NRXN3: variants seen among roughly 807,000 people sequenced by gnomAD.
NRXN3 encodes neurexin III.
Under a neutral mutation model 137.6 loss-of-function variants are expected in NRXN3, and 32 were observed. The ratio of observed to expected loss-of-function variants is 0.23; its 90% CI spans 0.18 to 0.31. NRXN3 has a LOEUF of 0.31. Among genes scored for constraint, NRXN3 ranks in the 10% least tolerant of loss-of-function variants. The pLI is 1.00. For missense variants in NRXN3, 1,574 were observed against 2,062.5 expected (o/e 0.76, Z 4.59); for synonymous variants, 798 against 784.5 (o/e 1.02, Z -0.29).
chr14:79,666,603 C>T (rs1360101302), intron 17 of NRXN3, among the ~76,000 whole-genome samples: 1 of 151,868 alleles, frequency 6.6e-6, no homozygotes, highest in East Asian at 1.9e-4. Flanking sequence ...TTTCTGTTTC[C>T]AATTGGGCAG....
At chr14:78,924,196 C>A (rs1441892729) in intron 10 of NRXN3, among the ~76,000 whole-genome samples, 2 of 152,280 alleles carry the variant, frequency 1.3e-5, no homozygotes. Flanking sequence ...TTGCAGTGAG[C>A]CGAGATCGTG....
intron 19 of NRXN3, among the ~76,000 whole-genome samples, chr14:79,751,016 C>T (rs547948116): frequency 6.6e-6 from 1 of 152,092 alleles, no homozygotes; most frequent in Admixed American, 6.5e-5. Context: ...ATGCCTCCAG[C>T]TTTGTTCTTT....
chr14:78,231,748 GT>G (rs2065432987), intron 1 of NRXN3: 1 of 152,304 alleles, frequency 6.6e-6, no homozygotes, highest in Non-Finnish European at 1.5e-5. Flanking sequence ...CATCATAGAG[GT>G]TTTGTAAGGA....
Position 78,702,417 on chromosome 14 carries a change from G to A in NRXN3, c.1222-6800G>A. The stretch of plus-strand genomic sequence containing the variant: ...CTTAGGCTTGACAATTGGCTTAGAA[G>A]TTATCCTCAAGAGAGAATCTTTCTT... On this transcript the variant is annotated intron_variant, in intron 6 of 20. Coordinates refer to ENST00000335750, the MANE Select transcript of NRXN3 (RefSeq NM_001330195.2). 1.3e-5 allele frequency among the ~76,000 whole-genome samples: 2 copies of A among 148,824 alleles called. 1 individual carries two copies. Among genetic ancestry groups the A allele is most frequent in the African/African-American group, 4.9e-5 (2 of 40,816 alleles).
At chr14:79,592,821 G>A (rs531368643) in intron 16 of NRXN3, among the ~76,000 whole-genome samples, 28 of 152,142 alleles carry the variant, frequency 1.8e-4, no homozygotes, top group East Asian at 7.7e-4. Context: ...ATTGTTTTTC[G>A]CTAAGTGGAA....
chr14:78,463,946 T>G (rs915203460), intron 4 of NRXN3, among the ~76,000 whole-genome samples: 5 of 151,950 alleles, frequency 3.3e-5, no homozygotes, highest in African/African-American at 1.2e-4. Flanking sequence ...TTGACCTTTA[T>G]CTAAGGGAAT....
intron 2 of NRXN3, among the ~76,000 whole-genome samples, chr14:78,251,513 G>A (rs1304688314): frequency 6.6e-6 from 1 of 152,200 alleles, no homozygotes; most frequent in Non-Finnish European, 1.5e-5. Context: ...AACACAACTT[G>A]TTGCTGTCCG....
chr14:79,143,928 A>G (rs1012158372), intron 15 of NRXN3, among the ~76,000 whole-genome samples: 1 of 152,230 alleles, frequency 6.6e-6, no homozygotes, highest in South Asian at 2.1e-4. Context: ...TAAATATTAC[A>G]GTCGTCCCAT....
chr14:79,287,031 G>T (rs561266663), intron 15 of NRXN3, among the ~76,000 whole-genome samples: 1 of 152,174 alleles, frequency 6.6e-6, no homozygotes, highest in East Asian at 1.9e-4. Context: ...TGCCCTCTTT[G>T]AATTCCTTGC....
intron 19 of NRXN3, among the ~76,000 whole-genome samples, chr14:79,715,370 G>T (rs967449577): frequency 6.6e-6 from 1 of 152,220 alleles, no homozygotes; most frequent in Non-Finnish European, 1.5e-5. Context: ...TGAGCAGAGA[G>T]ACCCAGGTGG....
intron 15 of NRXN3, among the ~76,000 whole-genome samples, chr14:79,184,790 G>A (rs2063325917): frequency 6.6e-6 from 1 of 151,268 alleles, no homozygotes; most frequent in African/African-American, 2.5e-5. Context: ...TATCAGGGAT[G>A]TGTCTTTATT....
chr14:79,177,669 T>C (rs2153114694), intron 15 of NRXN3, among the ~76,000 whole-genome samples: 1 of 152,352 alleles, frequency 6.6e-6, no homozygotes, highest in South Asian at 2.1e-4. Context: ...TCTTTCCCTC[T>C]GATACATTTG....
Position 79,325,132 on chromosome 14 carries a change from C to A in NRXN3, c.3263-142089C>A, listed in dbSNP as rs115982257. On this transcript the variant is annotated intron_variant, in intron 15 of 20. Coordinates refer to ENST00000335750, the MANE Select transcript of NRXN3 (RefSeq NM_001330195.2). Reference sequence around the variant, plus strand: ...CTCTTTTCCTACTTTTCTTTTTTTTCTGGTAGTTTGAAAAATAAACATTAG... The same window carrying A: ...CTCTTTTCCTACTTTTCTTTTTTTTATGGTAGTTTGAAAAATAAACATTAG... 3.3e-3 allele frequency among the ~76,000 whole-genome samples: 507 copies of A among 151,930 alleles called. 2 individuals carry two copies. The highest frequency in any genetic ancestry group is 0.011 in the African/African-American group (465 of 41,478).
intron 16 of NRXN3, among the ~76,000 whole-genome samples, chr14:79,528,356 C>A (rs2097140340): frequency 6.6e-6 from 1 of 152,036 alleles, no homozygotes; most frequent in Non-Finnish European, 1.5e-5. Flanking sequence ...GTTATAAACA[C>A]CATCACATAC....
intron 10 of NRXN3, among the ~76,000 whole-genome samples, chr14:78,865,776 A>T (rs1400409661): frequency 6.6e-6 from 1 of 152,206 alleles, no homozygotes; most frequent in Non-Finnish European, 1.5e-5. Context: ...GTCACTTTAT[A>T]ATAAGACAGA....
intron 19 of NRXN3, among the ~76,000 whole-genome samples, chr14:79,768,441 GCCT>G (rs2099064106): frequency 6.6e-6 from 1 of 152,194 alleles, no homozygotes; most frequent in Non-Finnish European, 1.5e-5. Context: ...CGGGCAGACT[GCCT>G]CCTCAAGTGG....
chr14:78,244,756 A>G (rs902463918), intron 2 of NRXN3, among the ~76,000 whole-genome samples: 2 of 152,162 alleles, frequency 1.3e-5, no homozygotes, highest in African/African-American at 4.8e-5. Context: ...CTCTCCATGT[A>G]CTGAGAACAT....
intron 1 of NRXN3, among the ~76,000 whole-genome samples, chr14:78,224,294 C>T (rs935228013): frequency 2.6e-5 from 4 of 151,026 alleles, no homozygotes; most frequent in African/African-American, 9.8e-5. Flanking sequence ...TATTATTATA[C>T]TTTAAGTTTT....
chr14:78,609,294 A>T (rs943114458), intron 4 of NRXN3, among the ~76,000 whole-genome samples: 9 of 152,050 alleles, frequency 5.9e-5, no homozygotes, highest in Non-Finnish European at 1.2e-4. Flanking sequence ...CCTCCATGAA[A>T]AAAAAAAGGG....
Sources: allele counts gnomAD v4.1 joint callset (sites outside exome capture counted in the v4.1 genomes callset), GRCh38; gene constraint gnomAD v4.1.1; transcripts MANE v1.5; gene names NCBI Gene and HGNC (gene_info 2026-07-23, HGNC 2026-07-21).